TUBGCP6: variants seen among roughly 807,000 people sequenced by gnomAD.
The protein encoded by TUBGCP6 is gamma-tubulin complex component 6.
In TUBGCP6, 161 loss-of-function variants were observed where a neutral mutation model predicts 175.8. The ratio of observed to expected loss-of-function variants is 0.92; its 90% CI spans 0.81 to 1.04. The LOEUF (loss-of-function observed/expected upper bound fraction) is 1.04, where lower values mean the gene tolerates loss of function less well. TUBGCP6 is among the 50% of genes least tolerant of loss of function. TUBGCP6 has a pLI of 0.00. For synonymous variants in TUBGCP6, 1,173 were observed against 1,030.5 expected, an observed-to-expected ratio of 1.14 and a Z score of -2.65; for missense variants, 2,572 against 2,433.0, an observed-to-expected ratio of 1.06 and a Z score of -1.20.
intron 4 of TUBGCP6, among the ~76,000 whole-genome samples, chr22:50,228,926 G>A (rs2064654006): frequency 6.6e-6 from 1 of 152,060 alleles, no homozygotes; most frequent in Non-Finnish European, 1.5e-5. Context: ...CCCACTCAAG[G>A]TGCAGCCCCT....
chr22:50,219,596 G>T (rs768026950), intron 18 of TUBGCP6, 48 bp downstream of exon 18: 5 of 1,602,552 alleles, frequency 3.1e-6, no homozygotes, highest in Non-Finnish European at 3.4e-6. Context: ...CACGTGCTGG[G>T]AACCAGCCAG....
chr22:50,218,439 G>A (rs372255212), intron 22 of TUBGCP6, 37 bp from the exon 23 acceptor site: 110 of 1,612,706 alleles, frequency 6.8e-5, no homozygotes, highest in Admixed American at 1.2e-4. Flanking sequence ...AGAGGTGAGC[G>A]CAGCCTCCAG....
intron 2 of TUBGCP6, among the ~76,000 whole-genome samples, chr22:50,237,434 C>T (rs2064790571): frequency 6.6e-6 from 1 of 152,344 alleles, no homozygotes; most frequent in Admixed American, 6.5e-5. Flanking sequence ...CAGGCTGACC[C>T]GACTGCAGTG....
rs75807712 is a variant in TUBGCP6, at chr22:50,233,821, G to C, written c.906-295C>G. ...GGGGTATCCGACTGGCCCAGCCCTG[G>C]AAGAGCACCCCAGGCCACGCCAGTG... On this transcript the variant is annotated intron_variant, in intron 2 of 24. Coordinates refer to ENST00000248846, the MANE Select transcript of TUBGCP6 (RefSeq NM_020461.4). Among the ~76,000 whole-genome samples, 4,089 of 152,206 alleles carry C rather than the reference G, an allele frequency of 0.027. 109 individuals are homozygous for C. Among genetic ancestry groups the C allele is most frequent in the East Asian group, 0.13 (687 of 5,192 alleles).
chr22:50,234,041 C>T (rs1454609351), intron 2 of TUBGCP6, among the ~76,000 whole-genome samples: 1 of 150,398 alleles, frequency 6.6e-6, no homozygotes, highest in Non-Finnish European at 1.5e-5. Context: ...CATCCAGGTC[C>T]ACTGCAGCAT....
Position 50,221,069 on chromosome 22 carries a change from A to G in TUBGCP6, c.3290T>C (p.Val1097Ala), listed in dbSNP as rs2064514093. The G allele has an allele frequency of 1.2e-6, 2 of 1,612,328 alleles. No individual in the cohort carries two copies. Among genetic ancestry groups the G allele is most frequent in the Non-Finnish European group, 1.7e-6 (2 of 1,179,680 alleles). The part of the protein sequence containing the change: ...SISLGESVSD[V>A]APTRPRWNIH... ...GTTCCACCGTGGCCGAGTGGGAGCC[A>G]CATCTGACACAGACTCCCCTAAGCT... is the stretch of plus-strand genomic sequence containing the variant. Residue 1097 changes from valine (V) to alanine (A), a missense_variant, in exon 16 of 25, where the codon GTG (valine) becomes GCG (alanine). Physicochemically the swap from Val to Ala is moderately conservative, Grantham distance 64 (BLOSUM62 0). Transcript: ENST00000248846.
intron 16 of TUBGCP6, 99 bp from the exon 17 acceptor site, chr22:50,220,114 C>A (rs2064491465): frequency 3.9e-6 from 6 of 1,549,494 alleles, no homozygotes; most frequent in Non-Finnish European, 4.4e-6. Flanking sequence ...TCCCATGTCC[C>A]CCACAGCAGC....
chr22:50,219,709 G>A lies in TUBGCP6; in HGVS notation c.4250C>T (p.Ala1417Val). The change falls in exon 18 of 25, where the codon GCC (alanine) becomes GTC (valine). Residue 1417 changes from alanine to valine, a missense_variant. By Grantham distance (64) the Ala-to-Val change is moderately conservative. Transcript: ENST00000248846. ...SAAEAQGGEQ[A>V]YLAGLAGQYH... ...CTGCCCTGCCAGGCCTGCCAGGTAGGCCTGCTCCCCACCCTGAGCCTCCGC... is the reference window on the plus strand; with the variant it reads ...CTGCCCTGCCAGGCCTGCCAGGTAGACCTGCTCCCCACCCTGAGCCTCCGC... 7.4e-6 allele frequency: 12 copies of A among 1,613,692 alleles called. No homozygotes were observed. Among genetic ancestry groups the A allele is most frequent in the Non-Finnish European group, 1.0e-5 (12 of 1,179,918 alleles).
intron 2 of TUBGCP6, among the ~76,000 whole-genome samples, chr22:50,239,900 G>A (rs373279688): frequency 6.6e-5 from 10 of 151,724 alleles, no homozygotes; most frequent in East Asian, 2.0e-4. Context: ...TTACTGGCAC[G>A]GGGAGGGGAG....
chr22:50,226,911 C>T (rs894431056), intron 6 of TUBGCP6, 69 bp from the exon 7 acceptor site: 30 of 1,554,872 alleles, frequency 1.9e-5, no homozygotes, highest in Middle Eastern at 1.7e-4. Context: ...GCAGCCCTGC[C>T]GGCAGCAGCC....
intron 22 of TUBGCP6, 25 bp from the exon 23 acceptor site, chr22:50,218,427 G>T (rs550598356): frequency 1.2e-6 from 2 of 1,612,856 alleles, no homozygotes; most frequent in East Asian, 4.5e-5. Context: ...AAGGCAGAGG[G>T]CAGAGGTGAG....
In TUBGCP6 at chr22:50,227,033, G is replaced by A. The variant is rs2064622408; in HGVS notation, c.1457C>T (p.Thr486Ile). Residue 486 changes from threonine (T) to isoleucine (I), a missense_variant, in exon 6 of 25, where the codon ACC (threonine) becomes ATC (isoleucine). Thr to Ile is a moderately conservative substitution (Grantham distance 89, BLOSUM62 -1). Coordinates refer to ENST00000248846, the MANE Select transcript of TUBGCP6 (RefSeq NM_020461.4). ...CGCGGCCCTGGGGCCTCCTCCACAG[G>A]TGCCCGGGAGCACAGCGCCAACGCC... The part of the protein sequence containing the change: ...LCGVGAVLPG[T>I]CGGGPRAAFP... 16 of 1,612,500 alleles carry A rather than the reference G, an allele frequency of 9.9e-6. No individual in the cohort carries two copies. In the East Asian group the frequency reaches 2.7e-4, roughly 27 times the overall value.
intron 2 of TUBGCP6, among the ~76,000 whole-genome samples, chr22:50,233,964 TCC>T (rs2147201773): frequency 6.6e-6 from 1 of 151,132 alleles, no homozygotes; most frequent in East Asian, 2.0e-4. Context: ...CACACCCAGG[TCC>T]ATGGCAGCAT....
In TUBGCP6 at chr22:50,223,588, G is replaced by A. The variant is rs141034941; in HGVS notation, c.2270+553C>T. 4.0e-3 allele frequency: 620 copies of A among 153,324 alleles called. 2 individuals carry two copies. The highest frequency in any genetic ancestry group is 6.4e-3 in the Non-Finnish European group (442 of 68,792). The allele number at this position is 153,324 out of a possible 1,614,324, so 9.5% of individuals were successfully genotyped here. A position where few individuals can be genotyped will look rare whatever the true frequency, so the allele number is the denominator to read the frequency against. On this transcript the variant is annotated intron_variant, in intron 13 of 24. Transcript: ENST00000248846. ...GAGGTCAGGAGTTTGAGACCAGCCT[G>A]GCCAACATGGTTAAACCCCGTCTGT...
chr22:50,228,113 C>T (rs2147191900), intron 4 of TUBGCP6, 85 bp from the exon 5 acceptor site: 1 of 1,410,390 alleles, frequency 7.1e-7, no homozygotes, highest in Non-Finnish European at 9.3e-7. Context: ...GTGCTGGGAA[C>T]AGCGCTTTGT....
chr22:50,229,624 C>A (rs1229469231), intron 3 of TUBGCP6, 47 bp from the exon 4 acceptor site: 1 of 1,534,194 alleles, frequency 6.5e-7, no homozygotes, highest in Non-Finnish European at 8.8e-7. Flanking sequence ...GGCACCCAGA[C>A]CCCCAGTAAG....
intron 7 of TUBGCP6, 94 bp from the exon 8 acceptor site, chr22:50,226,472 A>T (rs1332743686): frequency 5.2e-6 from 6 of 1,164,312 alleles, no homozygotes; most frequent in East Asian, 2.8e-5. Flanking sequence ...CGTGGCTGTC[A>T]GTGAGGGGCA....
In TUBGCP6 at chr22:50,231,531, A is replaced by G. The variant is rs530868027; in HGVS notation, c.1116+1785T>C. On this transcript the variant is annotated intron_variant, in intron 3 of 24. Coordinates refer to ENST00000248846, the MANE Select transcript of TUBGCP6 (RefSeq NM_020461.4). ...AAGCTGGCTCTTTGAAAAGATCAACAAAATTGACAAGTCTTAGCTAGAATA... is the reference window on the plus strand; with the variant it reads ...AAGCTGGCTCTTTGAAAAGATCAACGAAATTGACAAGTCTTAGCTAGAATA... Among the ~76,000 whole-genome samples the G allele has an allele frequency of 6.4e-4, 98 of 152,252 alleles. No individual in the cohort carries two copies. The South Asian group carries it at 0.02, about 31-fold the overall frequency.
chr22:50,234,625 T>G (rs78279484), intron 2 of TUBGCP6, among the ~76,000 whole-genome samples: 2,971 of 110,018 alleles, frequency 0.027, 68 homozygotes, highest in East Asian at 0.14. Flanking sequence ...CACAGCAGCA[T>G]CATCCACACC....
Sources: gnomAD v4.1 joint callset for allele counts (sites outside exome capture counted in the v4.1 genomes callset) on GRCh38, gnomAD v4.1.1 for gene constraint, MANE v1.5 for transcripts, NCBI Gene and HGNC (gene_info 2026-07-23, HGNC 2026-07-21) for gene names.